LOXL3: variants seen among roughly 807,000 people sequenced by gnomAD.
The protein encoded by LOXL3 is lysyl oxidase like 3, also known as lysyl oxidase homolog 3.
In LOXL3, 60 loss-of-function variants were observed where a neutral mutation model predicts 91.8. The observed-to-expected ratio is 0.65, with a 90% CI of 0.53 to 0.81. The LOEUF is 0.81. LOXL3 is among the 30% of genes least tolerant of loss of function. The pLI is 0.00. For synonymous variants in LOXL3, 355 were observed against 387.6 expected, an observed-to-expected ratio of 0.92 and a Z score of 0.99; for missense variants, 874 against 1,000.4, an observed-to-expected ratio of 0.87 and a Z score of 1.70.
Position 74,549,241 on chromosome 2 carries a change from A to G in LOXL3, c.692+128T>C. On this transcript the variant is annotated intron_variant, in intron 4 of 13. Coordinates refer to ENST00000264094, the MANE Select transcript of LOXL3 (RefSeq NM_032603.5). The surrounding 1 kb of genome is among the most constrained non-coding windows in gnomAD (Gnocchi z 5.3). ...ACTCTCCAGCTTTGCAACGGCCTCC[A>G]TATTTTCCCGCGCGTCCCGACCCCC... 4.5e-6 allele frequency: 5 copies of G among 1,099,250 alleles called. No individual in the cohort carries two copies. Among genetic ancestry groups the G allele is most frequent in the East Asian group, 2.7e-5 (1 of 36,750 alleles). 68.1% of individuals were successfully genotyped at this position (1,099,250 alleles called of 1,614,324 possible).
In LOXL3 at chr2:74,552,384, C is replaced by T. The variant is rs372708796; in HGVS notation, c.251G>A (p.Arg84Gln). ...TGTGGCCTCTGTGAAGCCCAGCTCC[C>T]GGCAGAGGATGTGGGCAGCCTGCAG... is the stretch of plus-strand genomic sequence containing the variant. ...FTLQAAHILC[R>Q]ELGFTEATGW... The change falls in exon 2 of 14, where the codon CGG becomes CAG. Residue 84 changes from arginine to glutamine, a missense_variant. Coordinates refer to ENST00000264094, the MANE Select transcript of LOXL3 (RefSeq NM_032603.5). The T allele has an allele frequency of 1.2e-4, 190 of 1,613,006 alleles. 2 individuals carry two copies. In the South Asian group the frequency reaches 1.6e-3, roughly 14 times the overall value.
At chr2:74,554,745 G>C (rs1296926430), upstream of LOXL3, 3 of 1,611,756 alleles carry the variant, frequency 1.9e-6, no homozygotes, top group African/African-American at 4.0e-5. This position sits in a 1 kb window ranked among gnomAD's most constrained non-coding sequence, Gnocchi z 4.9. Context: ...GGAAGGAACC[G>C]CCGGGGGCCA....
At chr2:74,538,596 CTAATTGT>C (rs1166766686) in intron 4 of LOXL3, among the ~76,000 whole-genome samples, 2 of 152,168 alleles carry the variant, frequency 1.3e-5, no homozygotes, top group African/African-American at 2.4e-5. Context: ...AACTGGGAGC[CTAATTGT>C]GGAAAATGAG....
At chr2:74,552,190 T>C in intron 2 of LOXL3, 132 bp downstream of exon 2, 1 of 811,228 alleles carries the variant, frequency 1.2e-6, no homozygotes. Flanking sequence ...TGGTTTGTCA[T>C]CCATGGATTT....
chr2:74,535,555 A>G lies in LOXL3; in HGVS notation c.1416+33T>C, dbSNP rs747598858. Reference sequence around the variant, plus strand: ...CTGCCCAAAACACAGGCTTTGAGACAACAGCCTCGGCTCCCCTTTCCTTCC... The same window carrying G: ...CTGCCCAAAACACAGGCTTTGAGACGACAGCCTCGGCTCCCCTTTCCTTCC... On this transcript the variant is annotated intron_variant, in intron 8 of 13. Coordinates refer to ENST00000264094, the MANE Select transcript of LOXL3 (RefSeq NM_032603.5). The surrounding 1 kb of genome is among the most constrained non-coding windows in gnomAD (Gnocchi z 4.2). The G allele has an allele frequency of 6.2e-7, 1 of 1,612,862 alleles. No homozygotes were observed.
At position 74,534,696 on chromosome 2, in the gene LOXL3, T is replaced by G. The variant is rs778884153; in HGVS notation, c.1658A>C (p.Tyr553Ser). 4 of 1,614,168 alleles carry G rather than the reference T, an allele frequency of 2.5e-6. No homozygotes were observed. Among genetic ancestry groups the G allele is most frequent in the Non-Finnish European group, 3.4e-6 (4 of 1,180,032 alleles). ...YIEDRPLHML[Y>S]CAAEENCLAS... ...CAGGCAGTTCTCTTCCGCAGCACAGTACAACATATGCAGGGGCCGGTCTTC... is the reference window on the plus strand; with the variant it reads ...CAGGCAGTTCTCTTCCGCAGCACAGGACAACATATGCAGGGGCCGGTCTTC... Residue 553 changes from tyrosine to serine, a missense_variant, in exon 10 of 14, where the codon TAC becomes TCC. Transcript: ENST00000264094.
upstream of LOXL3, chr2:74,555,122 C>A: frequency 1.3e-6 from 2 of 1,587,192 alleles, no homozygotes; most frequent in Non-Finnish European, 1.7e-6. The surrounding 1 kb of genome is among the most constrained non-coding windows in gnomAD (Gnocchi z 6.1). Context: ...GCGCACGCCA[C>A]TCCCTCTCGA....
chr2:74,552,410 C>G lies in LOXL3; in HGVS notation c.225G>C (p.Thr75=), dbSNP rs765530045. Residue 75 remains threonine, a synonymous_variant, in exon 2 of 14, where the codon ACG becomes ACC. Coordinates refer to ENST00000264094, the MANE Select transcript of LOXL3 (RefSeq NM_032603.5). The part of the protein sequence containing the change: ...EWGTICDDDF[T]LQAAHILCRE... The stretch of plus-strand genomic sequence containing the variant: ...GGCAGAGGATGTGGGCAGCCTGCAG[C>G]GTGAAGTCATCATCGCAGATGGTGC... 1 of 1,613,748 alleles carries G rather than the reference C, an allele frequency of 6.2e-7. No individual in the cohort carries two copies. The highest frequency in any genetic ancestry group is 2.2e-5 in the East Asian group (1 of 44,884).
chr2:74,536,715 C>G lies in LOXL3; in HGVS notation c.906G>C (p.Gln302His), dbSNP rs1358134591. The change falls in exon 5 of 14, where the codon CAG becomes CAC. Residue 302 changes from glutamine to histidine, a missense_variant. Gln to His is a conservative substitution (Grantham distance 24). Coordinates refer to ENST00000264094, the MANE Select transcript of LOXL3 (RefSeq NM_032603.5). The surrounding 1 kb of genome is among the most constrained non-coding windows in gnomAD (Gnocchi z 4.5). ...GQKKQQQSKP[Q>H]GEARVRLKGG... ...TAATCACTGTCTCACACACCTCCCC[C>G]TGAGGCTTCGACTGTTGTTGCTTCT... is the stretch of plus-strand genomic sequence containing the variant. The G allele has an allele frequency of 1.2e-6, 2 of 1,614,056 alleles. No individual in the cohort carries two copies. Among genetic ancestry groups the G allele is most frequent in the African/African-American group, 1.3e-5 (1 of 74,944 alleles).
At chr2:74,539,063 G>A (rs978444725) in intron 4 of LOXL3, among the ~76,000 whole-genome samples, 1 of 152,116 alleles carries the variant, frequency 6.6e-6, no homozygotes, top group Non-Finnish European at 1.5e-5. Flanking sequence ...GGCCACAGCC[G>A]AGTAACTCCA....
chr2:74,547,494 A>G (rs1052751108), intron 4 of LOXL3, among the ~76,000 whole-genome samples: 1 of 152,216 alleles, frequency 6.6e-6, no homozygotes, highest in Admixed American at 6.5e-5. Context: ...TGCAGCCCCA[A>G]GATGGATGAA....
intron 4 of LOXL3, among the ~76,000 whole-genome samples, chr2:74,540,727 G>GT (rs201972534): frequency 0.024 from 3,528 of 147,416 alleles, 125 homozygotes; most frequent in African/African-American, 0.072. Flanking sequence ...GTGAGCCATG[G>GT]TGCAACCATG....
At chr2:74,546,333 C>T (rs1435575482) in intron 4 of LOXL3, among the ~76,000 whole-genome samples, 5 of 152,204 alleles carry the variant, frequency 3.3e-5, no homozygotes, top group Non-Finnish European at 4.4e-5. Flanking sequence ...GATGTCACAC[C>T]TCTGCTCCAA....
At chr2:74,545,333 A>G (rs755396600) in intron 4 of LOXL3, among the ~76,000 whole-genome samples, 13 of 152,218 alleles carry the variant, frequency 8.5e-5, no homozygotes, top group South Asian at 4.2e-4. Context: ...CTCCTCATCC[A>G]CTACTATCAG....
intron 3 of LOXL3, 45 bp downstream of exon 3, chr2:74,550,140 G>C (rs760252644): frequency 1.9e-6 from 3 of 1,579,914 alleles, no homozygotes; most frequent in African/African-American, 1.3e-5. Flanking sequence ...CAGTACTCTC[G>C]GCTATCCTGG....
At chr2:74,548,230 A>G (rs776897335) in intron 4 of LOXL3, among the ~76,000 whole-genome samples, 1 of 152,258 alleles carries the variant, frequency 6.6e-6, no homozygotes, top group Non-Finnish European at 1.5e-5. Flanking sequence ...AGGACTCAAG[A>G]TAATCTCATG....
rs1384173407 is a variant in LOXL3, at chr2:74,549,066, T to A, written c.692+303A>T. 8.6e-6 allele frequency: 2 copies of A among 231,368 alleles called. No individual in the cohort carries two copies. The highest frequency in any genetic ancestry group is 2.3e-5 in the African/African-American group (1 of 44,002). The allele number at this position is 231,368 out of a possible 1,614,324, so 14.3% of individuals were successfully genotyped here. On this transcript the variant is annotated intron_variant, in intron 4 of 13. Coordinates refer to ENST00000264094, the MANE Select transcript of LOXL3 (RefSeq NM_032603.5). This position sits in a 1 kb window ranked among gnomAD's most constrained non-coding sequence, Gnocchi z 5.3. ...CCAGCGCTGGAATCGCCCCCGCGCC[T>A]GGGAGTGGCCTCGCGAGGCCGGCGC...
At position 74,534,877 on chromosome 2, in the gene LOXL3, TTTTG is replaced by T. The variant is rs760334860; in HGVS notation, c.1580-107_1580-104del. 746 of 1,344,838 alleles carry T rather than the reference TTTTG, an allele frequency of 5.5e-4. 1 individual carries two copies. The highest frequency in any genetic ancestry group is 1.6e-3 in the African/African-American group (111 of 68,592). 83.3% of individuals were successfully genotyped at this position (1,344,838 alleles called of 1,614,324 possible). On this transcript the variant is annotated intron_variant, in intron 9 of 13. Transcript: ENST00000264094. ...TGTAAGACTAGTTTTTTGTTTTTGT[TTTTG>T]TTTGTTTGTTTGTTTGAGATGGAGT...
At position 74,533,449 on chromosome 2, in the gene LOXL3, G is replaced by A; in HGVS notation, c.*157C>T. On this transcript the variant is annotated 3_prime_UTR_variant, in exon 14 of 14. Coordinates refer to ENST00000264094, the MANE Select transcript of LOXL3 (RefSeq NM_032603.5). ...CAGATACTGACAGCTGGCCTCTGAA[G>A]GAGGGTGAAAACTTCTGCTTGACAG... 1 of 643,478 alleles carries A rather than the reference G, an allele frequency of 1.6e-6. No individual in the cohort carries two copies. Among genetic ancestry groups the A allele is most frequent in the Non-Finnish European group, 2.7e-6 (1 of 368,544 alleles). 39.9% of individuals were successfully genotyped at this position (643,478 alleles called of 1,614,324 possible). A position where few individuals can be genotyped will look rare whatever the true frequency, so the allele number is the denominator to read the frequency against.
Sources: allele counts gnomAD v4.1 joint callset (sites outside exome capture counted in the v4.1 genomes callset), GRCh38; gene constraint gnomAD v4.1.1; non-coding constraint Gnocchi (gnomAD v3.1); transcripts MANE v1.5; gene names NCBI Gene and HGNC (gene_info 2026-07-23, HGNC 2026-07-21).